Variants in RANBP3 observed in about 807,000 individuals in gnomAD.
The protein encoded by RANBP3 is ran-binding protein 3.
Under a neutral mutation model 77.3 loss-of-function variants are expected in RANBP3, and 14 were observed. The ratio of observed to expected loss-of-function variants is 0.18; its 90% CI spans 0.12 to 0.28. The LOEUF is 0.28. Ranked by LOEUF, RANBP3 falls within the 10% of genes least tolerant of loss-of-function variation. RANBP3 has a pLI of 1.00. For synonymous variants in RANBP3, 315 were observed against 312.4 expected, an observed-to-expected ratio of 1.01 and a Z score of -0.09; for missense variants, 586 against 752.3, an observed-to-expected ratio of 0.78 and a Z score of 2.59.
chr19:5,960,318 C>T (rs963209524), intron 1 of RANBP3, among the ~76,000 whole-genome samples: 2 of 152,210 alleles, frequency 1.3e-5, no homozygotes, highest in East Asian at 1.9e-4. Flanking sequence ...CTGAGAGAGG[C>T]GCGGTCCAGC....
At chr19:5,948,640 G>T (rs990157767) in intron 3 of RANBP3, among the ~76,000 whole-genome samples, 4 of 152,100 alleles carry the variant, frequency 2.6e-5, no homozygotes, top group Non-Finnish European at 5.9e-5. Flanking sequence ...AGAAATTCTT[G>T]TCAAAAGGGC....
At chr19:5,917,768 C>T (rs3745632) in intron 16 of RANBP3, 26 bp downstream of exon 16, 7 of 1,596,264 alleles carry the variant, frequency 4.4e-6, no homozygotes, top group South Asian at 3.4e-5. Context: ...TTCTATCCCC[C>T]CCAGGGTAGG....
chr19:5,922,595 C>T (rs1412486214), intron 13 of RANBP3, among the ~76,000 whole-genome samples: 2 of 152,162 alleles, frequency 1.3e-5, no homozygotes, highest in Non-Finnish European at 2.9e-5. Flanking sequence ...CAGCTCTGGG[C>T]GACAAGAGAA....
chr19:5,957,747 C>A (rs2058352486), intron 2 of RANBP3, among the ~76,000 whole-genome samples, 171 bp downstream of exon 2: 1 of 152,154 alleles, frequency 6.6e-6, no homozygotes. Context: ...TAACCTAAAG[C>A]CACCAAGCCT....
rs1460375858 is a variant in RANBP3 at position 5,924,928 on chromosome 19, G to A, written c.918-23C>T. On this transcript the variant is annotated intron_variant, in intron 10 of 16. Transcript: ENST00000340578. This position sits in a 1 kb window ranked among gnomAD's most constrained non-coding sequence, Gnocchi z 4.7. ...AAACTGAAGAGAAGATGTGCAATGA[G>A]TGTGGGGCGTCACGTGGGAACGTGG... is the stretch of plus-strand genomic sequence containing the variant. The A allele has an allele frequency of 6.2e-7, 1 of 1,603,032 alleles. No homozygotes were observed. The highest frequency in any genetic ancestry group is 8.5e-7 in the Non-Finnish European group (1 of 1,170,046).
chr19:5,973,090 G>A (rs964039862), intron 1 of RANBP3, among the ~76,000 whole-genome samples: 1 of 152,158 alleles, frequency 6.6e-6, no homozygotes, highest in Non-Finnish European at 1.5e-5. Flanking sequence ...AGATACAGGA[G>A]GCACAGTGGA....
At chr19:5,977,616 G>A (rs2058610598) in intron 1 of RANBP3, among the ~76,000 whole-genome samples, 1 of 151,770 alleles carries the variant, frequency 6.6e-6, no homozygotes, top group South Asian at 2.1e-4. Flanking sequence ...GGGCTTAGGA[G>A]ATAGGCAGCC....
In RANBP3 at chr19:5,933,148, G is replaced by A. The variant is rs543075260; in HGVS notation, c.472+266C>T. Reference sequence around the variant, plus strand: ...GCTGAACCAAGTGCGCTACTGCTGGGCATGGAGCCCGCCCGATGCACCCCG... The same window carrying A: ...GCTGAACCAAGTGCGCTACTGCTGGACATGGAGCCCGCCCGATGCACCCCG... On this transcript the variant is annotated intron_variant, in intron 6 of 16. Transcript: ENST00000340578. 6.9e-6 allele frequency: 3 copies of A among 433,850 alleles called. No individual in the cohort carries two copies. The South Asian group carries it at 1.1e-4, about 16-fold the overall frequency. 26.9% of individuals were successfully genotyped at this position (433,850 alleles called of 1,614,324 possible).
rs578000508 is a variant in RANBP3 at position 5,944,582 on chromosome 19, A to G, written c.283-2747T>C. Among the ~76,000 whole-genome samples the G allele has an allele frequency of 1.1e-4, 16 of 152,360 alleles. No homozygotes were observed. The South Asian group carries it at 3.3e-3, about 32-fold the overall frequency. On this transcript the variant is annotated intron_variant, in intron 3 of 16. Transcript: ENST00000340578. ...CCTCCCAGCACAGGCAGCTGTGAGA[A>G]ACAACACCTGACACAGCCTCCTTGC...
At position 5,917,359 on chromosome 19, in the gene RANBP3, C is replaced by T; in HGVS notation, c.*251G>A. The T allele has an allele frequency of 1.9e-6, 1 of 529,810 alleles. No individual in the cohort carries two copies. The highest frequency in any genetic ancestry group is 2.7e-5 in the South Asian group (1 of 37,210). The allele number at this position is 529,810 out of a possible 1,614,324, so 32.8% of individuals were successfully genotyped here. A position where few individuals can be genotyped will look rare whatever the true frequency, so the allele number is the denominator to read the frequency against. ...CAAGTCTTAATGTGCCATTTCAATT[C>T]AAAGGAGGGGAGGGAGGAAATGTTC... On this transcript the variant is annotated 3_prime_UTR_variant, in exon 17 of 17. Coordinates refer to ENST00000340578, the MANE Select transcript of RANBP3 (RefSeq NM_007322.3).
At chr19:5,977,325 T>C (rs953990894) in intron 1 of RANBP3, among the ~76,000 whole-genome samples, 10 of 151,924 alleles carry the variant, frequency 6.6e-5, no homozygotes, top group Non-Finnish European at 1.2e-4. Flanking sequence ...AGTGTAACCT[T>C]GTCAAAAACA....
chr19:5,940,289 A>G (rs1415033882), intron 5 of RANBP3, among the ~76,000 whole-genome samples: 3 of 152,178 alleles, frequency 2.0e-5, no homozygotes, highest in Non-Finnish European at 2.9e-5. Flanking sequence ...TACAGCAAGC[A>G]TGGTTCAGCA....
rs369389269 is a variant in RANBP3, at chr19:5,921,943, C to T, written c.1210-622G>A. Reference sequence around the variant, plus strand: ...CTGGCTCAGCGAGAGAAGCCAGACACGAAAGGCCACATAGTGCGTTGATGC... The same window carrying T: ...CTGGCTCAGCGAGAGAAGCCAGACATGAAAGGCCACATAGTGCGTTGATGC... On this transcript the variant is annotated intron_variant, in intron 13 of 16. Coordinates refer to ENST00000340578, the MANE Select transcript of RANBP3 (RefSeq NM_007322.3). The surrounding 1 kb of genome is among the most constrained non-coding windows in gnomAD (Gnocchi z 5.3). Among the ~76,000 whole-genome samples, 26 of 152,280 alleles carry T rather than the reference C, an allele frequency of 1.7e-4. No individual in the cohort carries two copies. The highest frequency in any genetic ancestry group is 5.5e-4 in the African/African-American group (23 of 41,542).
chr19:5,948,818 C>G (rs2058240224), intron 3 of RANBP3, among the ~76,000 whole-genome samples: 1 of 152,096 alleles, frequency 6.6e-6, no homozygotes, highest in African/African-American at 2.4e-5. Context: ...TGAAGCTCGG[C>G]AGGTCCTTGG....
Position 5,918,578 on chromosome 19 carries a change from T to A in RANBP3, c.1391A>T (p.Gln464Leu). ...ILNTKLWAQMQIDKASEKSIR... is the reference protein window; with the variant it reads ...ILNTKLWAQMLIDKASEKSIR... ...GCTCTTCTCGCTGGCCTTGTCGATC[T>A]GCATCTGGGCCCACAGCTTGGTGTT... is the stretch of plus-strand genomic sequence containing the variant. The change falls in exon 15 of 17, where the codon CAG (glutamine) becomes CTG (leucine). Residue 464 changes from glutamine (Q) to leucine (L), a missense_variant. This residue lies in a region of RANBP3 where 128 missense variants were observed against 157.0 expected (regional missense o/e 0.82). Transcript: ENST00000340578. 1.4e-5 allele frequency: 22 copies of A among 1,613,742 alleles called. No homozygotes were observed. Among genetic ancestry groups the A allele is most frequent in the Non-Finnish European group, 1.9e-5 (22 of 1,179,908 alleles).
intron 2 of RANBP3, among the ~76,000 whole-genome samples, chr19:5,954,148 A>C (rs1042465627): frequency 3.9e-5 from 6 of 152,328 alleles, no homozygotes; most frequent in Non-Finnish European, 7.4e-5. Flanking sequence ...AAACCTGAGC[A>C]TAAAGAGCTG....
Position 5,921,164 on chromosome 19 carries a change from G to A in RANBP3, c.1330+37C>T. 1 of 1,593,964 alleles carries A rather than the reference G, an allele frequency of 6.3e-7. No individual in the cohort carries two copies. Among genetic ancestry groups the A allele is most frequent in the Non-Finnish European group, 8.5e-7 (1 of 1,171,594 alleles). ...TTGCATAGTCCCCAGCCCTCCCCAT[G>A]GGGACCCGGCCACAGCCCCCGCCGT... On this transcript the variant is annotated intron_variant, in intron 14 of 16. Coordinates refer to ENST00000340578, the MANE Select transcript of RANBP3 (RefSeq NM_007322.3). The surrounding 1 kb of genome is among the most constrained non-coding windows in gnomAD (Gnocchi z 5.3).
chr19:5,954,069 AT>A (rs1243886459), intron 2 of RANBP3, among the ~76,000 whole-genome samples: 1 of 152,216 alleles, frequency 6.6e-6, no homozygotes, highest in African/African-American at 2.4e-5. Flanking sequence ...AAAACAAAAA[AT>A]TCCTCGGCTG....
intron 9 of RANBP3, among the ~76,000 whole-genome samples, chr19:5,926,896 C>T (rs555350460): frequency 9.9e-5 from 15 of 152,240 alleles, no homozygotes; most frequent in African/African-American, 4.8e-5. Flanking sequence ...AAACACAAGC[C>T]GGTGCTTTCT....
Sources: gnomAD v4.1 joint callset for allele counts (sites outside exome capture counted in the v4.1 genomes callset) on GRCh38, gnomAD v4.1.1 for gene constraint, gnomAD v4.1.1 regional missense constraint, Gnocchi (gnomAD v3.1) non-coding constraint, MANE v1.5 for transcripts, NCBI Gene and HGNC (gene_info 2026-07-23, HGNC 2026-07-21) for gene names.